BPI: variants seen among roughly 807,000 people sequenced by gnomAD.
BPI encodes the protein bactericidal permeability-increasing protein.
Under a neutral mutation model 57.6 loss-of-function variants are expected in BPI, and 48 were observed. The ratio of observed to expected loss-of-function variants is 0.83; its 90% CI spans 0.66 to 1.06. The LOEUF is 1.06. BPI is among the 50% of genes least tolerant of loss of function. The probability of loss-of-function intolerance (pLI) is 0.00; values close to 1 mark genes in which losing one functional copy is unlikely to be tolerated. For synonymous variants in BPI, 237 were observed against 238.2 expected (o/e 0.99, Z 0.05); for missense variants, 651 against 609.7 (o/e 1.07, Z -0.71).
At chr20:38,312,292 T>C (rs1220246155) in intron 5 of BPI, among the ~76,000 whole-genome samples, 1 of 151,878 alleles carries the variant, frequency 6.6e-6, no homozygotes, top group Non-Finnish European at 1.5e-5. Flanking sequence ...CCACCCCAAG[T>C]TCCTTCCTTG....
chr20:38,337,416 A>G lies in BPI; in HGVS notation c.*232A>G, dbSNP rs769093114. 4.3e-5 allele frequency: 17 copies of G among 396,868 alleles called. 1 individual carries two copies. Among genetic ancestry groups the G allele is most frequent in the Non-Finnish European group, 7.5e-5 (17 of 225,840 alleles). 24.6% of individuals were successfully genotyped at this position (396,868 alleles called of 1,614,324 possible). A position where few individuals can be genotyped will look rare whatever the true frequency, so the allele number is the denominator to read the frequency against. ...TCTTTCAAGGGCTAAGGCTGCAGAG[A>G]TATTTCCTCCAGGAATCGTGTTTCA... On this transcript the variant is annotated 3_prime_UTR_variant, in exon 15 of 15. Transcript: ENST00000642449.
chr20:38,319,950 G>A (rs1165141672), intron 6 of BPI: 1 of 543,732 alleles, frequency 1.8e-6, no homozygotes, highest in Non-Finnish European at 3.3e-6. Flanking sequence ...CTGTGTCTTA[G>A]CGACTCATCT....
chr20:38,331,512 T>G (rs2076742488), intron 12 of BPI, among the ~76,000 whole-genome samples: 1 of 152,138 alleles, frequency 6.6e-6, no homozygotes, highest in Non-Finnish European at 1.5e-5. Context: ...AAGTGATGCC[T>G]TCTCAGAGCC....
intron 5 of BPI, among the ~76,000 whole-genome samples, chr20:38,317,483 C>T (rs747193740): frequency 5.6e-4 from 85 of 152,340 alleles, no homozygotes; most frequent in Non-Finnish European, 7.2e-4. Flanking sequence ...GAAGGCTCAG[C>T]TCTGCTGGGA....
chr20:38,318,609 C>T (rs368542907), intron 6 of BPI, 133 bp downstream of exon 6: 2 of 946,326 alleles, frequency 2.1e-6, no homozygotes, highest in Non-Finnish European at 3.4e-6. Flanking sequence ...CAGAGTAGTA[C>T]ATTATTTTCA....
intron 11 of BPI, among the ~76,000 whole-genome samples, chr20:38,329,264 C>A (rs1368558540): frequency 1.3e-5 from 2 of 152,010 alleles, no homozygotes; most frequent in Non-Finnish European, 2.9e-5. Flanking sequence ...GATGTGATGG[C>A]CCCCCGCAGT....
chr20:38,328,007 G>A (rs2076722381), intron 11 of BPI, among the ~76,000 whole-genome samples: 1 of 152,162 alleles, frequency 6.6e-6, no homozygotes, highest in African/African-American at 2.4e-5. Flanking sequence ...ACAACAGCAT[G>A]CAGCCACTGC....
chr20:38,306,035 T>C (rs981065162), intron 1 of BPI, among the ~76,000 whole-genome samples: 1 of 152,156 alleles, frequency 6.6e-6, no homozygotes, highest in Non-Finnish European at 1.5e-5. Context: ...AATAAATCTT[T>C]TTTTGTTTTG....
At chr20:38,315,253 G>T (rs559689537) in intron 5 of BPI, among the ~76,000 whole-genome samples, 6 of 152,268 alleles carry the variant, frequency 3.9e-5, no homozygotes, top group African/African-American at 1.4e-4. Context: ...TCAGAGATGA[G>T]CCTCTCTCTT....
At chr20:38,320,010 T>G in intron 6 of BPI, 173 bp from the exon 7 acceptor site, 1 of 609,364 alleles carries the variant, frequency 1.6e-6, no homozygotes, top group Non-Finnish European at 2.9e-6. Context: ...ATGTGGGGTG[T>G]GGGTTCATTT....
chr20:38,317,144 C>T (rs572956746), intron 5 of BPI, among the ~76,000 whole-genome samples: 1 of 152,116 alleles, frequency 6.6e-6, no homozygotes, highest in Non-Finnish European at 1.5e-5. Flanking sequence ...AAAGGTCATT[C>T]GAGAGCAACA....
At chr20:38,315,567 T>C (rs995888012) in intron 5 of BPI, among the ~76,000 whole-genome samples, 1 of 152,036 alleles carries the variant, frequency 6.6e-6, no homozygotes, top group Non-Finnish European at 1.5e-5. Context: ...AGCTCAGGAG[T>C]CCAGCAGGGC....
At position 38,326,283 on chromosome 20, in the gene BPI, A is replaced by G. The variant is rs773128934; in HGVS notation, c.1012A>G (p.Asn338Asp). The part of the protein sequence containing the change: ...FLPEVAKKFP[N>D]MKIQIHVSAS... ...GCTGCAGGTGGCCAAGAAGTTTCCC[A>G]ACATGAAGATACAGATCCATGTCTC... is the stretch of plus-strand genomic sequence containing the variant. The change falls in exon 10 of 15, where the codon AAC (asparagine) becomes GAC (aspartate). Residue 338 changes from asparagine (N) to aspartate (D), a missense_variant. Coordinates refer to ENST00000642449, the MANE Select transcript of BPI (RefSeq NM_001725.3). The G allele has an allele frequency of 3.7e-6, 6 of 1,612,928 alleles. No individual in the cohort carries two copies. Among genetic ancestry groups the G allele is most frequent in the Non-Finnish European group, 2.5e-6 (3 of 1,179,426 alleles).
intron 13 of BPI, 198 bp from the exon 14 acceptor site, chr20:38,335,400 T>C (rs2122572562): frequency 1.7e-6 from 1 of 601,400 alleles, no homozygotes; most frequent in South Asian, 2.0e-5. Flanking sequence ...AGAAGTGGAC[T>C]TGGGGTTGAT....
At chr20:38,313,265 C>A (rs1243161568) in intron 5 of BPI, among the ~76,000 whole-genome samples, 1 of 151,914 alleles carries the variant, frequency 6.6e-6, no homozygotes, top group Non-Finnish European at 1.5e-5. Context: ...TGCCTGTAAT[C>A]CCAGCTACTC....
chr20:38,333,525 C>T (rs1185858556), intron 12 of BPI, among the ~76,000 whole-genome samples: 1 of 152,204 alleles, frequency 6.6e-6, no homozygotes, highest in Non-Finnish European at 1.5e-5. Flanking sequence ...ATTTTCATCA[C>T]TTAGTTAATA....
chr20:38,320,341 C>G, intron 7 of BPI, 67 bp downstream of exon 7: 1 of 1,440,980 alleles, frequency 6.9e-7, no homozygotes, highest in Non-Finnish European at 9.6e-7. Context: ...GCTCCCCAGT[C>G]CTTGGAAACA....
At chr20:38,316,699 A>G (rs1229018951) in intron 5 of BPI, among the ~76,000 whole-genome samples, 1 of 152,118 alleles carries the variant, frequency 6.6e-6, no homozygotes, top group African/African-American at 2.4e-5. Flanking sequence ...TGGGGAGCAC[A>G]CCTCAGAATT....
intron 10 of BPI, among the ~76,000 whole-genome samples, chr20:38,327,342 C>A (rs2076718411): frequency 1.3e-5 from 2 of 152,242 alleles, no homozygotes; most frequent in Admixed American, 1.3e-4. Context: ...TATGCAGCCT[C>A]TCCGAGAGTG....
Sources: allele counts gnomAD v4.1 joint callset (sites outside exome capture counted in the v4.1 genomes callset), GRCh38; gene constraint gnomAD v4.1.1; transcripts MANE v1.5; gene names NCBI Gene and HGNC (gene_info 2026-07-23, HGNC 2026-07-21).